MAGI2: variants seen among roughly 807,000 people sequenced by gnomAD.
MAGI2 encodes the protein membrane-associated guanylate kinase, WW and PDZ domain-containing protein 2.
MAGI2 carries 35 observed loss-of-function variants against 133.3 expected under a neutral mutation model. That is an observed-to-expected ratio of 0.26 (90% confidence interval 0.20 to 0.35). MAGI2 has a LOEUF of 0.35. MAGI2 is among the 10% of genes least tolerant of loss of function. The probability of loss-of-function intolerance (pLI) is 1.00; values close to 1 mark genes in which losing one functional copy is unlikely to be tolerated. For synonymous variants in MAGI2, 729 were observed against 710.6 expected (o/e 1.03, Z -0.41); for missense variants, 1,636 against 1,863.4 (o/e 0.88, Z 2.25).
chr7:78,604,060 C>T (rs1324529711), intron 3 of MAGI2, among the ~76,000 whole-genome samples: 2 of 152,112 alleles, frequency 1.3e-5, no homozygotes, highest in African/African-American at 4.8e-5. Context: ...TGTAGATATT[C>T]TGATGAAACA....
intron 4 of MAGI2, chr7:78,519,247 A>G (rs2150579136): frequency 6.6e-6 from 1 of 152,332 alleles, no homozygotes; most frequent in South Asian, 2.1e-4. Context: ...GTAAAGAGAA[A>G]CAAAGACATT....
At chr7:79,170,386 A>G (rs79215194) in intron 1 of MAGI2, among the ~76,000 whole-genome samples, 8,547 of 151,536 alleles carry the variant, frequency 0.056, 499 homozygotes, top group East Asian at 0.15. Flanking sequence ...ATTTTGCCCA[A>G]GTTGGTCTCA....
chr7:78,381,329 A>C (rs1023973484), intron 6 of MAGI2, among the ~76,000 whole-genome samples: 1 of 150,640 alleles, frequency 6.6e-6, no homozygotes, highest in African/African-American at 2.4e-5. Flanking sequence ...CCTGGGTGAC[A>C]TATAAGACTC....
At chr7:78,052,780 T>C (rs1026401289) in intron 21 of MAGI2, among the ~76,000 whole-genome samples, 32 of 152,178 alleles carry the variant, frequency 2.1e-4, no homozygotes, top group African/African-American at 6.8e-4. Context: ...GACCCACTGG[T>C]TTTGCTCTTC....
At chr7:78,807,721 T>A (rs1275015531) in intron 2 of MAGI2, among the ~76,000 whole-genome samples, 1 of 152,188 alleles carries the variant, frequency 6.6e-6, no homozygotes, top group African/African-American at 2.4e-5. Flanking sequence ...CATATGCTTC[T>A]ATAGAAAATA....
chr7:78,088,392 C>A (rs1390747538), intron 20 of MAGI2, among the ~76,000 whole-genome samples: 1 of 152,128 alleles, frequency 6.6e-6, no homozygotes. Context: ...TGCACCAGTC[C>A]TAGACCTGAC....
intron 2 of MAGI2, among the ~76,000 whole-genome samples, chr7:78,687,238 A>T (rs994882693): frequency 2.0e-5 from 3 of 152,122 alleles, no homozygotes; most frequent in Non-Finnish European, 2.9e-5. Flanking sequence ...GTTATTGATT[A>T]TACGATCAGG....
At position 79,277,703 on chromosome 7, in the gene MAGI2, TCTTCCTCA is replaced by T. The variant is rs1835335451; in HGVS notation, c.301+175309_301+175316del. 2.0e-5 allele frequency among the ~76,000 whole-genome samples: 3 copies of T among 152,190 alleles called. No homozygotes were observed. The South Asian group carries it at 6.2e-4, about 32-fold the overall frequency. On this transcript the variant is annotated intron_variant, in intron 1 of 21. Coordinates refer to ENST00000354212, the MANE Select transcript of MAGI2 (RefSeq NM_012301.4). ...AGCTGGACTAGACTTCAGACAGGTT[TCTTCCTCA>T]CTATAGGCCCTTGACTTCCCTTTTC...
In MAGI2 at chr7:78,019,827, A is replaced by T. The variant is rs1433899337; in HGVS notation, c.3856T>A (p.Trp1286Arg). The change falls in exon 22 of 22, where the codon TGG (tryptophan) becomes AGG (arginine). Residue 1286 changes from tryptophan to arginine, a missense_variant. Coordinates refer to ENST00000354212, the MANE Select transcript of MAGI2 (RefSeq NM_012301.4). ...ACGTCGTGTTCCCGTTTGATATCCC[A>T]AGTTGGGCCTGGGCTTATCTGGTGG... ...PSHQISPGPT[W>R]DIKREHDVRK... 6.2e-7 allele frequency: 1 copy of T among 1,613,216 alleles called. No individual in the cohort carries two copies.
chr7:79,111,683 T>C (rs1818934750), intron 1 of MAGI2, among the ~76,000 whole-genome samples: 1 of 151,938 alleles, frequency 6.6e-6, no homozygotes, highest in Admixed American at 6.6e-5. Flanking sequence ...TTGTTTGTTT[T>C]TGAGATGGAG....
intron 3 of MAGI2, among the ~76,000 whole-genome samples, chr7:78,553,192 T>C (rs531495614): frequency 6.6e-6 from 1 of 152,176 alleles, no homozygotes; most frequent in Non-Finnish European, 1.5e-5. Context: ...AGCAAAATGC[T>C]GTACATTCCC....
At chr7:78,924,963 A>ATTG (rs1317945687) in intron 2 of MAGI2, among the ~76,000 whole-genome samples, 1 of 151,914 alleles carries the variant, frequency 6.6e-6, no homozygotes, top group Non-Finnish European at 1.5e-5. Context: ...AGGTTGGAGG[A>ATTG]ATCCTTCAAA....
At chr7:78,771,950 A>G (rs1443416996) in intron 2 of MAGI2, among the ~76,000 whole-genome samples, 1 of 152,216 alleles carries the variant, frequency 6.6e-6, no homozygotes, top group Non-Finnish European at 1.5e-5. Context: ...AATGTAATAA[A>G]TATAGCAAGT....
intron 1 of MAGI2, among the ~76,000 whole-genome samples, chr7:79,100,357 G>C (rs1423622794): frequency 6.6e-6 from 1 of 151,922 alleles, no homozygotes; most frequent in African/African-American, 2.4e-5. Context: ...TGATATATCT[G>C]TGATAGACAG....
Position 78,555,873 on chromosome 7 carries a change from C to T in MAGI2, c.539-34228G>A, listed in dbSNP as rs535749100. On this transcript the variant is annotated intron_variant, in intron 3 of 21. Coordinates refer to ENST00000354212, the MANE Select transcript of MAGI2 (RefSeq NM_012301.4). ...ATTGCATTTATATATTTTACAACCT[C>T]CACTCTTACCACTAACCACTACTGG... 5.3e-5 allele frequency among the ~76,000 whole-genome samples: 8 copies of T among 152,268 alleles called. No homozygotes were observed. In the South Asian group the frequency reaches 1.5e-3, roughly 28 times the overall value.
chr7:79,093,714 CTTT>C (rs369075503), intron 1 of MAGI2, among the ~76,000 whole-genome samples: 10 of 113,298 alleles, frequency 8.8e-5, no homozygotes, highest in Non-Finnish European at 1.5e-4. Context: ...CTTTTCTTTT[CTTT>C]TTTTTTTTTT....
At chr7:78,967,837 T>C (rs940315117) in intron 2 of MAGI2, among the ~76,000 whole-genome samples, 2 of 152,016 alleles carry the variant, frequency 1.3e-5, no homozygotes, top group Admixed American at 6.6e-5. Context: ...TTGTTTTTTG[T>C]TTGTTTGTTT....
chr7:79,228,370 A>AAAAAAAAAAAAAAAAAAAAAAATGG (rs1491129211), intron 1 of MAGI2, among the ~76,000 whole-genome samples: 1 of 147,256 alleles, frequency 6.8e-6, no homozygotes, highest in Non-Finnish European at 1.5e-5. Context: ...AAAAAAAAAA[A>AAAAAAAAAAAAAAAAAAAAAAATGG]GATCGTGGGA....
intron 20 of MAGI2, among the ~76,000 whole-genome samples, chr7:78,083,383 GGGGGGAGAGAGAGAGAGAGA>G (rs1169950751): frequency 0.15 from 11,338 of 76,140 alleles, 807 homozygotes; most frequent in South Asian, 0.21. Flanking sequence ...AGGGAGGGAG[GGGGGGAGAGAGAGAGAGAGA>G]GAGAGAGAGA....
Sources: gnomAD v4.1 joint callset for allele counts (sites outside exome capture counted in the v4.1 genomes callset) on GRCh38, gnomAD v4.1.1 for gene constraint, MANE v1.5 for transcripts, NCBI Gene and HGNC (gene_info 2026-07-23, HGNC 2026-07-21) for gene names.